Variants in YIPF4 observed in about 807,000 individuals in gnomAD.
YIPF4 encodes the protein protein YIPF4.
YIPF4 carries 18 observed loss-of-function variants against 29.4 expected under a neutral mutation model. That is an observed-to-expected ratio of 0.61 (90% CI 0.42 to 0.91). The LOEUF is 0.91. Ranked by LOEUF, YIPF4 falls within the 40% of genes least tolerant of loss-of-function variation. The probability of loss-of-function intolerance (pLI) is 0.00; values close to 1 mark genes in which losing one functional copy is unlikely to be tolerated. For synonymous variants in YIPF4, 115 were observed against 104.7 expected (o/e 1.10, Z -0.60); for missense variants, 279 against 282.7 (o/e 0.99, Z 0.09).
chr2:32,294,523 G>C (rs1337247249), intron 3 of YIPF4, among the ~76,000 whole-genome samples: 3 of 151,918 alleles, frequency 2.0e-5, no homozygotes, highest in Non-Finnish European at 4.4e-5. Flanking sequence ...GCCGGGAAGA[G>C]GGGCTCCTCA....
chr2:32,300,230 C>T (rs180780032), intron 4 of YIPF4, among the ~76,000 whole-genome samples: 1 of 151,996 alleles, frequency 6.6e-6, no homozygotes, highest in East Asian at 1.9e-4. Flanking sequence ...CGCAACATTG[C>T]ACTTTAGCCT....
chr2:32,298,357 TTA>T, intron 4 of YIPF4, 46 bp downstream of exon 4: 3 of 1,473,724 alleles, frequency 2.0e-6, no homozygotes, highest in Non-Finnish European at 2.8e-6. Context: ...TATGGTGAGC[TTA>T]GTTTTTGATA....
At chr2:32,291,525 A>G (rs1415625087) in intron 2 of YIPF4, among the ~76,000 whole-genome samples, 1 of 152,136 alleles carries the variant, frequency 6.6e-6, no homozygotes, top group Non-Finnish European at 1.5e-5. Context: ...GCCTGGGTGA[A>G]AAAGCAAGAC....
intron 3 of YIPF4, 113 bp downstream of exon 3, chr2:32,292,461 A>C: frequency 1.2e-6 from 1 of 841,366 alleles, no homozygotes; most frequent in South Asian, 4.3e-5. Flanking sequence ...TGCTTTACCC[A>C]TTATTTCTCA....
chr2:32,301,770 G>C (rs191775691), intron 5 of YIPF4, among the ~76,000 whole-genome samples: 1 of 152,040 alleles, frequency 6.6e-6, no homozygotes, highest in East Asian at 1.9e-4. Flanking sequence ...CTGGAGTCTC[G>C]ATCTGTCACC....
chr2:32,306,849 T>C lies in YIPF4; in HGVS notation c.*1223T>C. The C allele has an allele frequency of 4.8e-6, 1 of 207,182 alleles. No homozygotes were observed. The highest frequency in any genetic ancestry group is 9.6e-6 in the Non-Finnish European group (1 of 104,078). 12.8% of individuals were successfully genotyped at this position (207,182 alleles called of 1,614,324 possible). A position where few individuals can be genotyped will look rare whatever the true frequency, so the allele number is the denominator to read the frequency against. ...TCCTTTCTGGTCTCACCTGGAAGAG[T>C]TTCCTGCTGTCCTCAGTATGATAAC... On this transcript the variant is annotated 3_prime_UTR_variant, in exon 6 of 6. Transcript: ENST00000238831.
chr2:32,289,051 G>T (rs1053266051), intron 1 of YIPF4, among the ~76,000 whole-genome samples: 2 of 152,178 alleles, frequency 1.3e-5, no homozygotes, highest in African/African-American at 4.8e-5. Flanking sequence ...AGACAAAGAA[G>T]TAGCAAGCAC....
chr2:32,294,515 C>G (rs926235090), intron 3 of YIPF4, among the ~76,000 whole-genome samples: 1 of 151,090 alleles, frequency 6.6e-6, no homozygotes, highest in East Asian at 2.0e-4. Flanking sequence ...GGATGGCGGC[C>G]GGGAAGAGGG....
chr2:32,293,741 C>T (rs1163930553), intron 3 of YIPF4, among the ~76,000 whole-genome samples: 39 of 150,240 alleles, frequency 2.6e-4, no homozygotes, highest in Non-Finnish European at 2.8e-4. Context: ...ACCTCCCGGA[C>T]GGGGCGGCTG....
intron 1 of YIPF4, among the ~76,000 whole-genome samples, chr2:32,282,606 G>T (rs1251762657): frequency 2.0e-5 from 3 of 151,864 alleles, no homozygotes; most frequent in Non-Finnish European, 4.4e-5. Context: ...CTAATGTTTT[G>T]TATCGTTAGT....
rs754239401 is a variant in YIPF4, at chr2:32,292,258, T to C, written c.315T>C (p.Asn105=). 4 of 1,605,682 alleles carry C rather than the reference T, an allele frequency of 2.5e-6. No individual in the cohort carries two copies. The highest frequency in any genetic ancestry group is 2.6e-6 in the Non-Finnish European group (3 of 1,175,366). ...TGCCAATGCCATCACTTGGTTTTAA[T>C]AGACAAGTGGTGAGAGACAATCCTG... ...VLMPMPSLGF[N]RQVVRDNPDF... The change falls in exon 3 of 6, where the codon AAT becomes AAC. Residue 105 remains asparagine, a synonymous_variant. Coordinates refer to ENST00000238831, the MANE Select transcript of YIPF4 (RefSeq NM_032312.4).
intron 3 of YIPF4, among the ~76,000 whole-genome samples, chr2:32,293,835 G>C (rs1181049941): frequency 1.3e-5 from 2 of 149,204 alleles, no homozygotes; most frequent in Non-Finnish European, 3.0e-5. Context: ...GGCTGGCCAG[G>C]CGGGGGGCTG....
At chr2:32,286,265 T>C (rs932654852) in intron 1 of YIPF4, among the ~76,000 whole-genome samples, 3 of 152,230 alleles carry the variant, frequency 2.0e-5, no homozygotes, top group African/African-American at 2.4e-5. Flanking sequence ...TTGATAGTTA[T>C]GTGAGTTTGT....
chr2:32,277,963 G>T lies in YIPF4; in HGVS notation c.-193G>T. 1.1e-5 allele frequency: 6 copies of T among 541,470 alleles called. No individual in the cohort carries two copies. The allele number at this position is 541,470 out of a possible 1,614,324, so 33.5% of individuals were successfully genotyped here. On this transcript the variant is annotated 5_prime_UTR_variant, in exon 1 of 6. Coordinates refer to ENST00000238831, the MANE Select transcript of YIPF4 (RefSeq NM_032312.4). ...GTGGTGCTTGGGTGGTCGCCACCAA[G>T]AAGACTTTGGTGGGGTAGTCTCGGG... is the stretch of plus-strand genomic sequence containing the variant.
chr2:32,287,835 A>G (rs2030742636), intron 1 of YIPF4, among the ~76,000 whole-genome samples: 2 of 152,216 alleles, frequency 1.3e-5, no homozygotes, highest in Admixed American at 1.3e-4. Context: ...AAAAGATTGT[A>G]TCTTTTTAAA....
intron 1 of YIPF4, among the ~76,000 whole-genome samples, chr2:32,282,483 A>G (rs1414998271): frequency 2.0e-5 from 3 of 152,106 alleles, no homozygotes; most frequent in Non-Finnish European, 4.4e-5. Flanking sequence ...CCCAGGCTGG[A>G]GTGCAATGGC....
chr2:32,286,159 A>G (rs2030660517), intron 1 of YIPF4, among the ~76,000 whole-genome samples: 1 of 152,222 alleles, frequency 6.6e-6, no homozygotes, highest in Non-Finnish European at 1.5e-5. Flanking sequence ...ATTGCATAGA[A>G]CTATAAACAC....
rs1211525539 is a variant in YIPF4 at position 32,314,835 on chromosome 2, T to C, written c.*9209T>C. 1 of 152,064 alleles carries C rather than the reference T, an allele frequency of 6.6e-6. No individual in the cohort carries two copies. Among genetic ancestry groups the C allele is most frequent in the Non-Finnish European group, 1.5e-5 (1 of 68,006 alleles). 9.4% of individuals were successfully genotyped at this position (152,064 alleles called of 1,614,324 possible). ...CATTTAGGTCAATGAAACAGGAGGG[T>C]TTCCAGAATTATACCCAATTAATTA... On this transcript the variant is annotated 3_prime_UTR_variant, in exon 6 of 6. Coordinates refer to ENST00000238831, the MANE Select transcript of YIPF4 (RefSeq NM_032312.4).
chr2:32,303,102 C>T (rs371761497), intron 5 of YIPF4, among the ~76,000 whole-genome samples: 21 of 152,280 alleles, frequency 1.4e-4, no homozygotes, highest in East Asian at 5.8e-4. Context: ...TGGTGGCTAC[C>T]GCCTATAATC....
Sources: allele counts gnomAD v4.1 joint callset (sites outside exome capture counted in the v4.1 genomes callset), GRCh38; gene constraint gnomAD v4.1.1; transcripts MANE v1.5; gene names NCBI Gene and HGNC (gene_info 2026-07-23, HGNC 2026-07-21).